Variants in DIP2A observed in about 807,000 individuals in gnomAD.
The protein encoded by DIP2A is DIP2 acetate--CoA ligase A.
In DIP2A, 85 loss-of-function variants were observed where a neutral mutation model predicts 177.4. That is an observed-to-expected ratio of 0.48 (90% CI 0.40 to 0.57). The LOEUF (loss-of-function observed/expected upper bound fraction) is 0.57, where lower values mean the gene tolerates loss of function less well. Among genes scored for constraint, DIP2A ranks in the 20% least tolerant of loss-of-function variants. The pLI, the probability that DIP2A is intolerant of heterozygous loss-of-function variation, is 0.00. For synonymous variants in DIP2A, 886 were observed against 881.8 expected (o/e 1.00, Z -0.08); for missense variants, 1,791 against 2,100.2 (o/e 0.85, Z 2.88).
chr21:46,474,217 G>A (rs375592400), intron 1 of DIP2A, among the ~76,000 whole-genome samples: 2 of 152,172 alleles, frequency 1.3e-5, no homozygotes, highest in South Asian at 2.1e-4. Flanking sequence ...TGCTGCTCAC[G>A]AAGACGTGGA....
chr21:46,524,948 G>C (rs1415723598), intron 8 of DIP2A, among the ~76,000 whole-genome samples: 1 of 130,090 alleles, frequency 7.7e-6, no homozygotes, highest in Admixed American at 8.9e-5. Context: ...GTGCTGTGGC[G>C]TGATCTTGGC....
chr21:46,470,261 G>T (rs1412174865), intron 1 of DIP2A, among the ~76,000 whole-genome samples: 1 of 152,070 alleles, frequency 6.6e-6, no homozygotes, highest in African/African-American at 2.4e-5. Flanking sequence ...GATCACCTGG[G>T]GTTGGGAGTT....
chr21:46,544,359 G>A (rs11089076), intron 18 of DIP2A, among the ~76,000 whole-genome samples: 127,086 of 152,190 alleles, frequency 0.84, 53,384 homozygotes, highest in African/African-American at 0.92. Flanking sequence ...AGGCAGACAG[G>A]TCGTTTGTCA....
chr21:46,486,353 C>T (rs2056695768), intron 2 of DIP2A, among the ~76,000 whole-genome samples: 1 of 152,100 alleles, frequency 6.6e-6, no homozygotes, highest in South Asian at 2.1e-4. Context: ...TACAGGTGTG[C>T]ACCACCACGC....
At chr21:46,488,591 A>T (rs2056825613) in intron 2 of DIP2A, among the ~76,000 whole-genome samples, 1 of 152,172 alleles carries the variant, frequency 6.6e-6, no homozygotes, top group African/African-American at 2.4e-5. Flanking sequence ...ATATTAAATT[A>T]TGTTCAACCT....
the DIP2A span, among the ~76,000 whole-genome samples, chr21:46,575,925 ACT>A: frequency 6.6e-6 from 1 of 152,188 alleles, no homozygotes; most frequent in Non-Finnish European, 1.5e-5. Context: ...ATCTAAAGAC[ACT>A]CTGAATAAAC....
intron 21 of DIP2A, among the ~76,000 whole-genome samples, chr21:46,548,038 C>T (rs2060126445): frequency 6.6e-6 from 1 of 152,002 alleles, no homozygotes; most frequent in Non-Finnish European, 1.5e-5. Flanking sequence ...TTTGAGTAGC[C>T]CTTAAAGCAA....
chr21:46,546,713 C>A (rs904929652), intron 20 of DIP2A, among the ~76,000 whole-genome samples: 15 of 152,198 alleles, frequency 9.9e-5, no homozygotes, highest in African/African-American at 3.6e-4. Flanking sequence ...GCCCCCATTC[C>A]TTCCACACAG....
At chr21:46,553,892 G>T in intron 25 of DIP2A, 2 of 289,762 alleles carry the variant, frequency 6.9e-6, no homozygotes, top group Non-Finnish European at 6.9e-6. Context: ...GACCATGTGC[G>T]GTGGCTTATG....
rs1334824299 is a variant in DIP2A at position 46,459,019 on chromosome 21, G to T, written c.-113G>T. The T allele has an allele frequency of 2.3e-5, 20 of 886,032 alleles. No individual in the cohort carries two copies. The highest frequency in any genetic ancestry group is 3.1e-5 in the Non-Finnish European group (20 of 640,730). 54.9% of individuals were successfully genotyped at this position (886,032 alleles called of 1,614,324 possible). On this transcript the variant is annotated 5_prime_UTR_variant, in exon 1 of 38. Transcript: ENST00000417564. ...CCTGTCCCGCCGCCTCCCGCTCCTC[G>T]CCTGGCGGATGTAGGTTGTTGGCCT...
At chr21:46,503,865 ACAGGCATGTGC>A (rs1438313815) in intron 5 of DIP2A, among the ~76,000 whole-genome samples, 1 of 152,116 alleles carries the variant, frequency 6.6e-6, no homozygotes, top group Admixed American at 6.5e-5. Context: ...AGCTGGGATT[ACAGGCATGTGC>A]CACGACGCCC....
chr21:46,477,250 C>T (rs2839280), intron 1 of DIP2A, among the ~76,000 whole-genome samples: 72,893 of 151,740 alleles, frequency 0.48, 18,413 homozygotes, highest in African/African-American at 0.64. Context: ...AAGATTTATA[C>T]GTATATATTT....
At position 46,516,273 on chromosome 21, in the gene DIP2A, G is replaced by C. The variant is rs116753394; in HGVS notation, c.1102+4659G>C. Among the ~76,000 whole-genome samples, 949 of 152,082 alleles carry C rather than the reference G, an allele frequency of 6.2e-3. 12 individuals are homozygous for C. Among genetic ancestry groups the C allele is most frequent in the African/African-American group, 0.022 (913 of 41,510 alleles). On this transcript the variant is annotated intron_variant, in intron 8 of 37. Transcript: ENST00000417564. ...GTAGAATGGTGTCTTTCATCTGTTT[G>C]AGAAAAATTACAGCCATCTTCTCTT...
chr21:46,521,309 C>T (rs1445846140), intron 8 of DIP2A, among the ~76,000 whole-genome samples: 2 of 152,204 alleles, frequency 1.3e-5, no homozygotes, highest in Non-Finnish European at 2.9e-5. Flanking sequence ...CTGCCCCAGC[C>T]TCCTGAGTAG....
chr21:46,477,208 G>A (rs1248345870), intron 1 of DIP2A, among the ~76,000 whole-genome samples: 2 of 151,960 alleles, frequency 1.3e-5, no homozygotes, highest in African/African-American at 2.4e-5. Flanking sequence ...AAGGAAGCAC[G>A]TGCCCTTTTT....
intron 6 of DIP2A, among the ~76,000 whole-genome samples, chr21:46,507,445 T>C (rs2058069605): frequency 6.6e-6 from 1 of 152,198 alleles, no homozygotes; most frequent in South Asian, 2.1e-4. Context: ...TCAGTTGTTC[T>C]AGCATCATTT....
intron 3 of DIP2A, among the ~76,000 whole-genome samples, chr21:46,490,977 T>G (rs577689674): frequency 2.0e-5 from 3 of 152,364 alleles, no homozygotes; most frequent in East Asian, 1.9e-4. Flanking sequence ...TAGAGAAGTC[T>G]TCTTCTCACT....
chr21:46,541,314 C>T lies in DIP2A; in HGVS notation c.2037-442C>T, dbSNP rs556792148. 4.6e-5 allele frequency among the ~76,000 whole-genome samples: 7 copies of T among 152,216 alleles called. No individual in the cohort carries two copies. The South Asian group carries it at 8.3e-4, about 18-fold the overall frequency. On this transcript the variant is annotated intron_variant, in intron 17 of 37. Coordinates refer to ENST00000417564, the MANE Select transcript of DIP2A (RefSeq NM_015151.4). ...TGCAGGAGATGGTGTTTGGAGGGAG[C>T]GGTGAGGGGCTGAGACAGCTTTGTG... is the stretch of plus-strand genomic sequence containing the variant.
rs201574827 is a variant in DIP2A, at chr21:46,567,672, A to G, written c.*50A>G. ...GGAGATGAATGAGCCCCAGCAGTCC[A>G]AGGTGTGATGTGGGAAGACACCGCA... is the stretch of plus-strand genomic sequence containing the variant. On this transcript the variant is annotated 3_prime_UTR_variant, in exon 38 of 38. Transcript: ENST00000417564. 7 of 1,542,636 alleles carry G rather than the reference A, an allele frequency of 4.5e-6. No homozygotes were observed. In the East Asian group the frequency reaches 1.6e-4, roughly 35 times the overall value.
Sources: gnomAD v4.1 joint callset for allele counts (sites outside exome capture counted in the v4.1 genomes callset) on GRCh38, gnomAD v4.1.1 for gene constraint, MANE v1.5 for transcripts, NCBI Gene and HGNC (gene_info 2026-07-23, HGNC 2026-07-21) for gene names.